The following CRTC1 variants were observed in gnomAD, a reference collection of about 807,000 sequenced individuals.
The protein encoded by CRTC1 is CREB-regulated transcription coactivator 1.
In CRTC1, 18 loss-of-function variants were observed where a neutral mutation model predicts 66.1. The ratio of observed to expected loss-of-function variants is 0.27; its 90% CI spans 0.19 to 0.40. CRTC1 has a LOEUF of 0.40. Ranked by LOEUF, CRTC1 falls within the 10% of genes least tolerant of loss-of-function variation. The pLI is 1.00. For synonymous variants in CRTC1, 416 were observed against 398.8 expected (o/e 1.04, Z -0.51); for missense variants, 669 against 887.9 (o/e 0.75, Z 3.13).
intron 11 of CRTC1, 81 bp from the exon 12 acceptor site, chr19:18,774,819 T>C: frequency 1.4e-6 from 2 of 1,379,724 alleles, no homozygotes; most frequent in Non-Finnish European, 2.0e-6. Flanking sequence ...GGGCCTCTTG[T>C]CTTCCAGCCG....
At chr19:18,776,608 A>G (rs2054994506) in intron 13 of CRTC1, among the ~76,000 whole-genome samples, 1 of 152,242 alleles carries the variant, frequency 6.6e-6, no homozygotes, top group South Asian at 2.1e-4. Flanking sequence ...CGCCAGCCTC[A>G]GACTCAGGAG....
intron 1 of CRTC1, among the ~76,000 whole-genome samples, chr19:18,726,733 C>G (rs1167163160): frequency 6.6e-6 from 1 of 152,020 alleles, no homozygotes; most frequent in Non-Finnish European, 1.5e-5. Flanking sequence ...TGAGACCAGC[C>G]TGGCCAACAT....
chr19:18,738,340 A>G (rs2054042072), intron 1 of CRTC1, among the ~76,000 whole-genome samples: 1 of 152,156 alleles, frequency 6.6e-6, no homozygotes, highest in African/African-American at 2.4e-5. Context: ...GAATAAATAA[A>G]TAGAAGTAAA....
At chr19:18,697,178 C>T (rs2053011486) in intron 1 of CRTC1, among the ~76,000 whole-genome samples, 1 of 152,058 alleles carries the variant, frequency 6.6e-6, no homozygotes, top group Non-Finnish European at 1.5e-5. Flanking sequence ...TTATTATTTG[C>T]CAACTGGAAA....
intron 2 of CRTC1, among the ~76,000 whole-genome samples, chr19:18,744,480 A>G (rs1416297781): frequency 6.9e-6 from 1 of 144,684 alleles, no homozygotes; most frequent in Non-Finnish European, 1.5e-5. Flanking sequence ...CCCTATATAC[A>G]CACACACACA....
In CRTC1 at chr19:18,737,371, G is replaced by T. The variant is rs148541017; in HGVS notation, c.127-5539G>T. Among the ~76,000 whole-genome samples the T allele has an allele frequency of 3.3e-5, 5 of 152,188 alleles. No individual in the cohort carries two copies. The East Asian group carries it at 7.7e-4, about 24-fold the overall frequency. On this transcript the variant is annotated intron_variant, in intron 1 of 13. Coordinates refer to ENST00000321949, the MANE Select transcript of CRTC1 (RefSeq NM_015321.3). ...TTCTGGGTCCACATCTGCCTCCCAC[G>T]TGCCTCCACTGATGCTGGCAAGCTC... is the stretch of plus-strand genomic sequence containing the variant.
intron 6 of CRTC1, among the ~76,000 whole-genome samples, chr19:18,758,500 C>G (rs2054543447): frequency 6.6e-6 from 1 of 152,158 alleles, no homozygotes; most frequent in South Asian, 2.1e-4. Context: ...CCGAAAGTGT[C>G]CTGACAGTGC....
chr19:18,730,421 G>C (rs2053860274), intron 1 of CRTC1, among the ~76,000 whole-genome samples: 1 of 152,056 alleles, frequency 6.6e-6, no homozygotes, highest in African/African-American at 2.4e-5. Flanking sequence ...GGGCCTTCCG[G>C]GTAGGCCTGT....
chr19:18,745,814 C>G lies in CRTC1; in HGVS notation c.244-9C>G. ...TCTCTCTCTCTGTTTCCATCTCCTC[C>G]TCCCCCAGACCCCCTTCCAATCCTC... On this transcript the variant is annotated splice_polypyrimidine_tract_variant and intron_variant, in intron 2 of 13. Coordinates refer to ENST00000321949, the MANE Select transcript of CRTC1 (RefSeq NM_015321.3). 6.2e-7 allele frequency: 1 copy of G among 1,613,832 alleles called. No individual in the cohort carries two copies. Among genetic ancestry groups the G allele is most frequent in the South Asian group, 1.1e-5 (1 of 91,052 alleles).
intron 1 of CRTC1, among the ~76,000 whole-genome samples, chr19:18,693,618 G>A (rs938674787): frequency 1.3e-4 from 20 of 151,280 alleles, no homozygotes; most frequent in Non-Finnish European, 2.5e-4. Context: ...AGTAGCTGGG[G>A]CTACAGGCGT....
chr19:18,732,314 A>G (rs1032065263), intron 1 of CRTC1, among the ~76,000 whole-genome samples: 1 of 152,060 alleles, frequency 6.6e-6, no homozygotes, highest in Non-Finnish European at 1.5e-5. Flanking sequence ...TTGTAAGAAG[A>G]AGAAGAGAGA....
intron 1 of CRTC1, among the ~76,000 whole-genome samples, chr19:18,712,711 A>G (rs2053419141): frequency 6.6e-6 from 1 of 151,394 alleles, no homozygotes; most frequent in African/African-American, 2.4e-5. Flanking sequence ...TATAATCCCA[A>G]CGCTTTGGGA....
rs2054784865 is a variant in CRTC1, at chr19:18,768,494, A to G, written c.1021A>G (p.Met341Val). ...PLSPITQAVAMDALSLEQQLP... is the reference protein window; with the variant it reads ...PLSPITQAVAVDALSLEQQLP... ...CTCTCCTCTCCTGCAGGCTGTAGCC[A>G]TGGACGCCCTGTCTCTGGAGCAGCA... Residue 341 changes from methionine to valine, a missense_variant, in exon 10 of 14, where the codon ATG becomes GTG. Transcript: ENST00000321949. The surrounding 1 kb of genome is among the most constrained non-coding windows in gnomAD (Gnocchi z 5.6). 1.9e-6 allele frequency: 3 copies of G among 1,609,312 alleles called. No individual in the cohort carries two copies.
intron 1 of CRTC1, among the ~76,000 whole-genome samples, chr19:18,713,114 T>C (rs1055913310): frequency 6.6e-6 from 1 of 152,228 alleles, no homozygotes; most frequent in Non-Finnish European, 1.5e-5. Context: ...TGTGGCGTTT[T>C]GTGTCTGGCC....
At chr19:18,762,751 G>A (rs2054643224) in intron 8 of CRTC1, among the ~76,000 whole-genome samples, 1 of 152,250 alleles carries the variant, frequency 6.6e-6, no homozygotes, top group Admixed American at 6.5e-5. Context: ...TTGCCAAAAG[G>A]AATTCAACAG....
At chr19:18,733,277 C>T (rs146561134) in intron 1 of CRTC1, among the ~76,000 whole-genome samples, 1 of 152,250 alleles carries the variant, frequency 6.6e-6, no homozygotes, top group African/African-American at 2.4e-5. Flanking sequence ...GGCCAGCTGG[C>T]AGGGCTGGAG....
At position 18,779,457 on chromosome 19, in the gene CRTC1, CTTTT is replaced by C; in HGVS notation, c.*2086_*2089del. ...AGAGGCTGGGGGCAGACAGCGGGGA[CTTTT>C]TTTTTTTTTTAAGAAAAACTACATG... On this transcript the variant is annotated 3_prime_UTR_variant, in exon 14 of 14. Coordinates refer to ENST00000321949, the MANE Select transcript of CRTC1 (RefSeq NM_015321.3). 1 of 189,336 alleles carries C rather than the reference CTTTT, an allele frequency of 5.3e-6. No individual in the cohort carries two copies. 11.7% of individuals were successfully genotyped at this position (189,336 alleles called of 1,614,324 possible).
chr19:18,734,582 G>C (rs981137721), intron 1 of CRTC1, among the ~76,000 whole-genome samples: 12 of 152,084 alleles, frequency 7.9e-5, no homozygotes, highest in African/African-American at 2.9e-4. Flanking sequence ...TACTTAGGAG[G>C]CTGAGATGGG....
intron 1 of CRTC1, among the ~76,000 whole-genome samples, chr19:18,702,490 A>T (rs975074317): frequency 6.6e-6 from 1 of 151,640 alleles, no homozygotes; most frequent in Admixed American, 6.6e-5. Context: ...GGGCCTCCCA[A>T]AGTGCTGGCT....
Sources: allele counts gnomAD v4.1 joint callset (sites outside exome capture counted in the v4.1 genomes callset), GRCh38; gene constraint gnomAD v4.1.1; non-coding constraint Gnocchi (gnomAD v3.1); transcripts MANE v1.5; gene names NCBI Gene and HGNC (gene_info 2026-07-23, HGNC 2026-07-21).